Variants in AMZ1 observed in about 807,000 individuals in gnomAD.
AMZ1 encodes archaemetzincin-1.
A neutral mutation model predicts 29.9 loss-of-function variants in AMZ1; 39 were observed. The observed-to-expected ratio is 1.30, with a 90% confidence interval of 1.01 to 1.70. AMZ1 has a LOEUF of 1.70. Among genes scored for constraint, AMZ1 ranks in the 40% most tolerant of loss-of-function variants. AMZ1 has a pLI of 0.00. For missense variants in AMZ1, 1,041 were observed against 680.6 expected (o/e 1.53, Z -5.89); for synonymous variants, 458 against 304.0 (o/e 1.51, Z -5.27).
chr7:2,718,708 A>T lies in AMZ1; in HGVS notation c.*5830A>T, dbSNP rs1298451079. ...ACGTAGGAGCTCCACTGTCCCTTCTAACAGGACAGGGCTTGTGCAGCCGGG... is the reference window on the plus strand; with the variant it reads ...ACGTAGGAGCTCCACTGTCCCTTCTTACAGGACAGGGCTTGTGCAGCCGGG... On this transcript the variant is annotated 3_prime_UTR_variant, in exon 7 of 7. Coordinates refer to ENST00000683327, the MANE Select transcript of AMZ1 (RefSeq NM_001384743.1). 6.6e-6 allele frequency among the ~76,000 whole-genome samples: 1 copy of T among 152,202 alleles called. No homozygotes were observed. Among genetic ancestry groups the T allele is most frequent in the Non-Finnish European group, 1.5e-5 (1 of 68,038 alleles).
At chr7:2,727,128 C>T (rs2115262051) in intron 4 of AMZ1, among the ~76,000 whole-genome samples, 1 of 152,316 alleles carries the variant, frequency 6.6e-6, no homozygotes, top group East Asian at 1.9e-4. Context: ...TGTCACCAGG[C>T]TGGAGTGCAG....
upstream of AMZ1, among the ~76,000 whole-genome samples, chr7:2,684,500 T>G (rs560871318): frequency 1.3e-5 from 2 of 152,224 alleles, no homozygotes; most frequent in Admixed American, 6.5e-5. Flanking sequence ...GGTCAGAGGA[T>G]GGTGATGGGG....
At position 2,709,133 on chromosome 7, in the gene AMZ1, C is replaced by T. The variant is rs140523812; in HGVS notation, c.660C>T (p.Ser220=). 1.6e-4 allele frequency: 262 copies of T among 1,597,626 alleles called. No individual in the cohort carries two copies. The highest frequency in any genetic ancestry group is 3.0e-4 in the South Asian group (27 of 89,114). ...GGGAATTCCCGAAGTCGGGGCCCAGCGCCCCTGATCTGGCCCTGGTAGAGG... is the reference window on the plus strand; with the variant it reads ...GGGAATTCCCGAAGTCGGGGCCCAGTGCCCCTGATCTGGCCCTGGTAGAGG... ...FSGEFPKSGP[S]APDLALVEAA... Residue 220 remains serine (S), a synonymous_variant, in exon 5 of 7, where the codon AGC becomes AGT. Coordinates refer to ENST00000683327, the MANE Select transcript of AMZ1 (RefSeq NM_001384743.1).
intron 1 of AMZ1, among the ~76,000 whole-genome samples, chr7:2,696,466 C>T (rs181425715): frequency 0.021 from 3,206 of 149,866 alleles, 59 homozygotes; most frequent in East Asian, 0.12. Context: ...ACCATGTTAG[C>T]CAGGATGGTC....
chr7:2,763,906 G>A (rs1791692906), upstream of AMZ1, among the ~76,000 whole-genome samples: 1 of 152,226 alleles, frequency 6.6e-6, no homozygotes, highest in Non-Finnish European at 1.5e-5. Context: ...CTGAGCTGTT[G>A]CTTTAGAGTC....
chr7:2,694,267 C>A (rs972342866), intron 1 of AMZ1, among the ~76,000 whole-genome samples: 1 of 152,292 alleles, frequency 6.6e-6, no homozygotes, highest in South Asian at 2.1e-4. Context: ...CCTGCCTCGC[C>A]GCTGGAGCTG....
At chr7:2,697,390 C>A (rs1432927538) in intron 1 of AMZ1, among the ~76,000 whole-genome samples, 2 of 152,078 alleles carry the variant, frequency 1.3e-5, no homozygotes, top group Non-Finnish European at 2.9e-5. Context: ...AGCTGCTGCG[C>A]CCGGCTCTAT....
chr7:2,759,180 T>C (rs966675094), intron 4 of AMZ1, among the ~76,000 whole-genome samples: 1 of 145,356 alleles, frequency 6.9e-6, no homozygotes, highest in Non-Finnish European at 1.5e-5. Flanking sequence ...AATAAATAAA[T>C]AAATAAATAA....
At chr7:2,743,793 T>C (rs772763750) in intron 4 of AMZ1, among the ~76,000 whole-genome samples, 24 of 152,140 alleles carry the variant, frequency 1.6e-4, no homozygotes, top group Non-Finnish European at 3.5e-4. Flanking sequence ...GGGTGACACA[T>C]AGCACCTGGA....
At chr7:2,704,589 T>C (rs1788242150) in intron 3 of AMZ1, among the ~76,000 whole-genome samples, 1 of 69,076 alleles carries the variant, frequency 1.4e-5, no homozygotes, top group Admixed American at 1.2e-4. Context: ...AGTGTCACGC[T>C]TTTTTTTTTT....
chr7:2,701,426 C>T (rs568585909), intron 2 of AMZ1, among the ~76,000 whole-genome samples: 43 of 152,200 alleles, frequency 2.8e-4, no homozygotes, highest in Middle Eastern at 3.4e-3. Context: ...GTGGGAGGGG[C>T]TGGGCTGAGC....
At chr7:2,711,597 T>A (rs1788782514) in intron 6 of AMZ1, among the ~76,000 whole-genome samples, 1 of 152,134 alleles carries the variant, frequency 6.6e-6, no homozygotes. Context: ...TGCTTTACAT[T>A]TTTTTCCCCC....
In AMZ1 at chr7:2,713,536, G is replaced by C. The variant is rs1168140628; in HGVS notation, c.*658G>C. On this transcript the variant is annotated 3_prime_UTR_variant, in exon 7 of 7. Transcript: ENST00000683327. Reference sequence around the variant, plus strand: ...CTGGCTCAGATGAGGAGTGACCCCGGGGGCACACAGGCTCCACACTGCCAC... The same window carrying C: ...CTGGCTCAGATGAGGAGTGACCCCGCGGGCACACAGGCTCCACACTGCCAC... 1 of 152,530 alleles carries C rather than the reference G, an allele frequency of 6.6e-6. No homozygotes were observed. Among genetic ancestry groups the C allele is most frequent in the Non-Finnish European group, 1.5e-5 (1 of 68,212 alleles). 9.4% of individuals were successfully genotyped at this position (152,530 alleles called of 1,614,324 possible). A position where few individuals can be genotyped will look rare whatever the true frequency, so the allele number is the denominator to read the frequency against.
chr7:2,721,550 A>G (rs1456606378), downstream of AMZ1, among the ~76,000 whole-genome samples: 1 of 152,094 alleles, frequency 6.6e-6, no homozygotes, highest in African/African-American at 2.4e-5. Flanking sequence ...CCCTGTCTCT[A>G]CTAAAAATAC....
chr7:2,742,996 GCAA>G (rs1171569209), intron 4 of AMZ1, among the ~76,000 whole-genome samples: 1 of 152,174 alleles, frequency 6.6e-6, no homozygotes, highest in Non-Finnish European at 1.5e-5. Context: ...GTGGTGTGTG[GCAA>G]CAACAACATT....
intron 1 of AMZ1, among the ~76,000 whole-genome samples, chr7:2,691,469 G>A (rs1275595389): frequency 6.7e-6 from 1 of 148,974 alleles, no homozygotes. Context: ...TGGGCCGGGC[G>A]CGGTGGCTCA....
At chr7:2,763,191 AACACACAC>A (rs56384682), upstream of AMZ1, 3,485 of 222,666 alleles carry the variant, frequency 0.016, 58 homozygotes, top group African/African-American at 0.03. Flanking sequence ...AAGACACCCC[AACACACAC>A]ACACACACAC....
chr7:2,752,058 C>G (rs1468326589), intron 4 of AMZ1, among the ~76,000 whole-genome samples: 2 of 152,282 alleles, frequency 1.3e-5, no homozygotes, highest in East Asian at 3.9e-4. Context: ...AGAAAAATTA[C>G]AGACCAACTC....
chr7:2,691,259 G>T (rs1175572600), intron 1 of AMZ1, among the ~76,000 whole-genome samples: 1 of 147,950 alleles, frequency 6.8e-6, no homozygotes, highest in Non-Finnish European at 1.5e-5. Context: ...TGGCAGGAAA[G>T]CCCCCTCAAG....
Sources: allele counts gnomAD v4.1 joint callset (sites outside exome capture counted in the v4.1 genomes callset), GRCh38; gene constraint gnomAD v4.1.1; transcripts MANE v1.5; gene names NCBI Gene and HGNC (gene_info 2026-07-23, HGNC 2026-07-21).